Variants in ERICH1 observed in about 807,000 individuals in gnomAD.
ERICH1 encodes glutamate rich 1.
A neutral mutation model predicts 39.6 loss-of-function variants in ERICH1; 56 were observed. That is an observed-to-expected ratio of 1.41 (90% CI 1.14 to 1.77). ERICH1 has a LOEUF of 1.77. ERICH1 is among the 40% of genes most tolerant of loss of function. The pLI, the probability that ERICH1 is intolerant of heterozygous loss-of-function variation, is 0.00. For synonymous variants in ERICH1, 313 were observed against 223.6 expected (o/e 1.40, Z -3.57); for missense variants, 826 against 575.4 (o/e 1.44, Z -4.45).
intron 5 of ERICH1, among the ~76,000 whole-genome samples, chr8:665,693 G>A (rs1445934572): frequency 5.3e-5 from 8 of 152,354 alleles, no homozygotes; most frequent in African/African-American, 1.9e-4. Flanking sequence ...TAAAGAGTAC[G>A]TGTAATAAAA....
chr8:728,750 C>G (rs1473671507), intron 1 of ERICH1, among the ~76,000 whole-genome samples: 1 of 152,188 alleles, frequency 6.6e-6, no homozygotes, highest in Non-Finnish European at 1.5e-5. Flanking sequence ...TCCTCCGGTG[C>G]TATACTTACA....
At chr8:720,270 G>T (rs536259019) in intron 1 of ERICH1, among the ~76,000 whole-genome samples, 6 of 152,258 alleles carry the variant, frequency 3.9e-5, no homozygotes, top group African/African-American at 1.4e-4. Flanking sequence ...GAAGGACGAG[G>T]AAACACACCT....
rs779238507 is a variant in ERICH1, at chr8:668,646, A to G, written c.1210T>C (p.Leu404=). ...TLLLLQDTER[L]KHALEMFPEH... is the part of the protein sequence containing the mutation. ...GGGAACATTTCCAGAGCATGCTTCA[A>G]TCTCTCAGTATCTTGCAGGAGCAGC... The change falls in exon 5 of 6, where the codon TTG becomes CTG. Residue 404 remains leucine, a synonymous_variant. Transcript: ENST00000262109. 2 of 1,614,198 alleles carry G rather than the reference A, an allele frequency of 1.2e-6. No individual in the cohort carries two copies. Among genetic ancestry groups the G allele is most frequent in the East Asian group, 2.2e-5 (1 of 44,884 alleles).
intron 3 of ERICH1, among the ~76,000 whole-genome samples, chr8:692,038 C>A (rs1232658510): frequency 6.6e-6 from 1 of 152,126 alleles, no homozygotes; most frequent in South Asian, 2.1e-4. Context: ...ATAATTTTTT[C>A]CAAAAGACAT....
chr8:719,653 C>T (rs986517188), intron 1 of ERICH1, among the ~76,000 whole-genome samples: 4 of 152,236 alleles, frequency 2.6e-5, no homozygotes, highest in South Asian at 2.1e-4. Context: ...CGGTGGCAGA[C>T]GTCGCTGTGG....
chr8:631,455 C>A (rs1451363756), intron 3 of ERICH1, among the ~76,000 whole-genome samples: 1 of 152,084 alleles, frequency 6.6e-6, no homozygotes, highest in Admixed American at 6.5e-5. Flanking sequence ...GCCCTGGGGT[C>A]TGTAACCTGA....
exon 4 of ERICH1, chr8:614,964 T>G (rs1240010813): frequency 2.8e-6 from 1 of 362,116 alleles, no homozygotes; most frequent in Non-Finnish European, 4.9e-6. Context: ...AAACTGTGAC[T>G]GAGCCACAGG....
intron 5 of ERICH1, 173 bp downstream of exon 5, chr8:668,425 T>C (rs1802615402): frequency 3.1e-6 from 2 of 640,916 alleles, no homozygotes; most frequent in Non-Finnish European, 5.4e-6. Flanking sequence ...TATTTTTATA[T>C]CAAGCAGAGA....
At chr8:691,087 G>C (rs1191602806) in intron 3 of ERICH1, 1 of 152,196 alleles carries the variant, frequency 6.6e-6, no homozygotes, top group African/African-American at 2.4e-5. Flanking sequence ...GCTTGCTCTG[G>C]GCATTTTCTC....
At chr8:665,553 A>G (rs1054541572) in intron 5 of ERICH1, among the ~76,000 whole-genome samples, 1 of 152,222 alleles carries the variant, frequency 6.6e-6, no homozygotes, top group Non-Finnish European at 1.5e-5. Context: ...AGCTCTAGAA[A>G]GCCCCAACAG....
intron 3 of ERICH1, among the ~76,000 whole-genome samples, chr8:680,615 C>A (rs549884239): frequency 6.6e-6 from 1 of 151,592 alleles, no homozygotes; most frequent in Non-Finnish European, 1.5e-5. Flanking sequence ...GCTGCCACCC[C>A]TGTGAACACA....
intron 2 of ERICH1, among the ~76,000 whole-genome samples, chr8:696,569 C>T (rs1442300563): frequency 1.7e-5 from 1 of 57,874 alleles, no homozygotes; most frequent in Non-Finnish European, 2.8e-5. Flanking sequence ...TCCTCCCCAT[C>T]AGCCTGTACT....
chr8:638,453 G>C (rs567423240), intron 3 of ERICH1, among the ~76,000 whole-genome samples: 2 of 152,198 alleles, frequency 1.3e-5, no homozygotes, highest in African/African-American at 4.8e-5. Flanking sequence ...AAGGAGGGCA[G>C]TTGATGAAAT....
rs533677585 is a variant in ERICH1 at position 649,684 on chromosome 8, C to T, written c.976+18914G>A. On this transcript the variant is annotated intron_variant, in intron 3 of 3. Transcript: ENST00000522706. ...GGGCTCAGATCATGAAGCACTGCCTCCAGGAGGCAGGAGCTGGAAGACGGG... is the reference window on the plus strand; with the variant it reads ...GGGCTCAGATCATGAAGCACTGCCTTCAGGAGGCAGGAGCTGGAAGACGGG... Among the ~76,000 whole-genome samples, 4 of 152,274 alleles carry T rather than the reference C, an allele frequency of 2.6e-5. No individual in the cohort carries two copies. The East Asian group carries it at 7.8e-4, about 30-fold the overall frequency.
At chr8:686,209 C>G (rs1807327652) in intron 3 of ERICH1, among the ~76,000 whole-genome samples, 1 of 152,078 alleles carries the variant, frequency 6.6e-6, no homozygotes, top group South Asian at 2.1e-4. Context: ...TACTCTTTAA[C>G]TTCAATTAAA....
chr8:679,110 C>T (rs113816092), intron 3 of ERICH1, among the ~76,000 whole-genome samples: 4 of 150,958 alleles, frequency 2.6e-5, no homozygotes, highest in African/African-American at 7.3e-5. Flanking sequence ...CGACTCCTCA[C>T]AGCTCCCACC....
At chr8:622,479 G>A (rs1563161130) in intron 3 of ERICH1, among the ~76,000 whole-genome samples, 2 of 152,146 alleles carry the variant, frequency 1.3e-5, no homozygotes, top group South Asian at 2.1e-4. Flanking sequence ...AGCAGAGAAC[G>A]AAGCTTTTCT....
At chr8:729,977 C>T (rs546632668) in intron 1 of ERICH1, among the ~76,000 whole-genome samples, 1 of 151,642 alleles carries the variant, frequency 6.6e-6, no homozygotes, top group South Asian at 2.1e-4. Context: ...TAGCAAGAAG[C>T]CCCCCACCAA....
chr8:724,249 G>A (rs1286138254), intron 1 of ERICH1, among the ~76,000 whole-genome samples: 6 of 152,162 alleles, frequency 3.9e-5, no homozygotes, highest in Non-Finnish European at 5.9e-5. Context: ...AGCTGCTCAG[G>A]ATGCTGCGTC....
Sources: allele counts gnomAD v4.1 joint callset (sites outside exome capture counted in the v4.1 genomes callset), GRCh38; gene constraint gnomAD v4.1.1; transcripts MANE v1.5; gene names NCBI Gene and HGNC (gene_info 2026-07-23, HGNC 2026-07-21).